TSHZ2: variants seen among roughly 807,000 people sequenced by gnomAD.
TSHZ2 encodes teashirt zinc finger homeobox 2, also known as teashirt homolog 2.
In TSHZ2, 21 loss-of-function variants were observed where a neutral mutation model predicts 74.4. The observed-to-expected ratio is 0.28, with a 90% CI of 0.20 to 0.41. The LOEUF is 0.41. Ranked by LOEUF, TSHZ2 falls within the 10% of genes least tolerant of loss-of-function variation. The pLI, the probability that TSHZ2 is intolerant of heterozygous loss-of-function variation, is 1.00. For missense variants in TSHZ2, 1,244 were observed against 1,293.5 expected, an observed-to-expected ratio of 0.96 and a Z score of 0.59; for synonymous variants, 540 against 515.3, an observed-to-expected ratio of 1.05 and a Z score of -0.65.
chr20:53,300,427 C>T (rs1036621132), intron 2 of TSHZ2, among the ~76,000 whole-genome samples: 1 of 152,170 alleles, frequency 6.6e-6, no homozygotes, highest in African/African-American at 2.4e-5. Context: ...ATGGTAGTTG[C>T]TCAAACTTCT....
At chr20:53,049,543 A>G (rs1431084235) in intron 1 of TSHZ2, among the ~76,000 whole-genome samples, 1 of 152,122 alleles carries the variant, frequency 6.6e-6, no homozygotes, top group East Asian at 1.9e-4. Context: ...CAGACATTTT[A>G]TGTTTTACTG....
chr20:53,057,454 G>A (rs979739934), intron 1 of TSHZ2, among the ~76,000 whole-genome samples: 2 of 151,992 alleles, frequency 1.3e-5, no homozygotes, highest in African/African-American at 4.8e-5. Flanking sequence ...ATACCATATA[G>A]TAATAAGCCT....
intron 2 of TSHZ2, among the ~76,000 whole-genome samples, chr20:53,294,302 G>C (rs1991336311): frequency 6.6e-6 from 1 of 152,152 alleles, no homozygotes; most frequent in Non-Finnish European, 1.5e-5. Flanking sequence ...TTTGCTAAAT[G>C]GCTTGATTTA....
chr20:53,452,825 T>A (rs1448853945), intron 2 of TSHZ2, among the ~76,000 whole-genome samples: 2 of 152,206 alleles, frequency 1.3e-5, no homozygotes, highest in African/African-American at 2.4e-5. Context: ...TTCTGCCTGT[T>A]GTTTGTGTTT....
intron 1 of TSHZ2, among the ~76,000 whole-genome samples, chr20:53,009,819 A>G (rs1305276037): frequency 6.6e-6 from 1 of 152,188 alleles, no homozygotes; most frequent in Admixed American, 6.5e-5. Flanking sequence ...AAGATACTCA[A>G]TTATTTCCAT....
chr20:53,121,651 A>C (rs534775343), intron 1 of TSHZ2, among the ~76,000 whole-genome samples: 9 of 152,334 alleles, frequency 5.9e-5, no homozygotes, highest in Admixed American at 2.0e-4. Context: ...TCATTGAGAG[A>C]CAGTTATTTT....
intron 1 of TSHZ2, among the ~76,000 whole-genome samples, chr20:53,171,078 T>A (rs1008414215): frequency 6.6e-6 from 1 of 152,210 alleles, no homozygotes; most frequent in African/African-American, 2.4e-5. Flanking sequence ...CTTAAATGTA[T>A]CTGTGTGTTT....
chr20:53,065,290 T>G (rs908825041), intron 1 of TSHZ2, among the ~76,000 whole-genome samples: 1 of 152,216 alleles, frequency 6.6e-6, no homozygotes, highest in Non-Finnish European at 1.5e-5. Flanking sequence ...TGATTATTAT[T>G]ACTTGTATGC....
chr20:53,314,287 C>CAAAAAAAAAAAAAAAAAAAA (rs5841941), intron 2 of TSHZ2, among the ~76,000 whole-genome samples: 3 of 131,706 alleles, frequency 2.3e-5, no homozygotes, highest in Non-Finnish European at 3.2e-5. Context: ...GACTCTGTCT[C>CAAAAAAAAAAAAAAAAAAAA]AAAAAAAAAA....
intron 2 of TSHZ2, among the ~76,000 whole-genome samples, chr20:53,418,422 A>C (rs143858526): frequency 3.3e-5 from 5 of 152,350 alleles, no homozygotes; most frequent in African/African-American, 1.2e-4. Context: ...TGGGCAACTT[A>C]CAAAAGAAAG....
intron 1 of TSHZ2, among the ~76,000 whole-genome samples, chr20:53,132,442 G>A (rs2123389246): frequency 6.6e-6 from 1 of 151,650 alleles, no homozygotes; most frequent in Admixed American, 6.6e-5. Context: ...TCCTGACCTG[G>A]CTTATTTTTG....
chr20:53,424,138 G>A (rs1368549074), intron 2 of TSHZ2, among the ~76,000 whole-genome samples: 1 of 152,252 alleles, frequency 6.6e-6, no homozygotes, highest in Non-Finnish European at 1.5e-5. Flanking sequence ...TTTGCAGTCA[G>A]ATAATTCTGT....
intron 2 of TSHZ2, among the ~76,000 whole-genome samples, chr20:53,396,847 GA>G (rs3042187): frequency 0.012 from 1,365 of 116,650 alleles, 11 homozygotes; most frequent in Non-Finnish European, 0.019. Context: ...GCAATACCCT[GA>G]AAAAAAAAAA....
intron 2 of TSHZ2, among the ~76,000 whole-genome samples, chr20:53,407,741 C>T (rs1225445565): frequency 6.6e-6 from 1 of 152,188 alleles, no homozygotes; most frequent in Non-Finnish European, 1.5e-5. Context: ...CCATGGCCTT[C>T]ACATGCAGGT....
intron 1 of TSHZ2, among the ~76,000 whole-genome samples, chr20:53,093,275 T>G (rs955506350): frequency 6.6e-6 from 1 of 152,252 alleles, no homozygotes; most frequent in African/African-American, 2.4e-5. Context: ...GATGCTACTG[T>G]GGCTGCTGTG....
chr20:53,193,174 AAAAAAAG>A (rs1240158976), intron 1 of TSHZ2, among the ~76,000 whole-genome samples: 4 of 83,754 alleles, frequency 4.8e-5, no homozygotes, highest in Non-Finnish European at 1.0e-4. Flanking sequence ...TTTCAAAAAA[AAAAAAAG>A]AAAAAAGAAA....
intron 2 of TSHZ2, among the ~76,000 whole-genome samples, chr20:53,308,049 C>G (rs1265310112): frequency 6.6e-6 from 1 of 152,214 alleles, no homozygotes; most frequent in Non-Finnish European, 1.5e-5. Context: ...ACATATTCTT[C>G]TCCCACGACA....
At chr20:53,049,170 T>G (rs1471476885) in intron 1 of TSHZ2, among the ~76,000 whole-genome samples, 1 of 152,160 alleles carries the variant, frequency 6.6e-6, no homozygotes, top group Non-Finnish European at 1.5e-5. Flanking sequence ...CATCGGCTAT[T>G]GGTACTGAGC....
At chr20:53,060,493 GT>G (rs1438137075) in intron 1 of TSHZ2, among the ~76,000 whole-genome samples, 3 of 152,118 alleles carry the variant, frequency 2.0e-5, no homozygotes, top group African/African-American at 7.2e-5. Context: ...AATGAAACTG[GT>G]TTTCTACACG....
Sources: allele counts gnomAD v4.1 joint callset (sites outside exome capture counted in the v4.1 genomes callset), GRCh38; gene constraint gnomAD v4.1.1; transcripts MANE v1.5; gene names NCBI Gene and HGNC (gene_info 2026-07-23, HGNC 2026-07-21).